The following UBTD1 variants were observed in gnomAD, a reference collection of about 807,000 sequenced individuals.
The protein encoded by UBTD1 is ubiquitin domain-containing protein 1.
In UBTD1, 19 loss-of-function variants were observed where a neutral mutation model predicts 21.7. The ratio of observed to expected loss-of-function variants is 0.87; its 90% CI spans 0.61 to 1.28. UBTD1 has a LOEUF of 1.28. Ranked by LOEUF, UBTD1 falls within the 50% of genes most tolerant of loss-of-function variation. The pLI is 0.00. For missense variants in UBTD1, 282 were observed against 315.1 expected, an observed-to-expected ratio of 0.89 and a Z score of 0.80; for synonymous variants, 116 against 135.1, an observed-to-expected ratio of 0.86 and a Z score of 0.98.
intron 2 of UBTD1, 90 bp downstream of exon 2, chr10:97,568,231 G>A (rs986164507): frequency 2.2e-5 from 31 of 1,392,092 alleles, no homozygotes; most frequent in African/African-American, 2.8e-5. Context: ...GAGCGGTGGG[G>A]CAGGTGGTTA....
At chr10:97,552,231 A>G (rs1481580896) in intron 1 of UBTD1, among the ~76,000 whole-genome samples, 1 of 151,852 alleles carries the variant, frequency 6.6e-6, no homozygotes, top group Non-Finnish European at 1.5e-5. Context: ...TAAATTATCC[A>G]GTCATGGTGG....
At chr10:97,506,351 G>C (rs1407890431) in intron 1 of UBTD1, among the ~76,000 whole-genome samples, 6 of 152,258 alleles carry the variant, frequency 3.9e-5, no homozygotes, top group Non-Finnish European at 5.9e-5. Context: ...CTCTAGGGCA[G>C]TGGGCCCCAA....
chr10:97,517,955 G>C (rs575182416), intron 1 of UBTD1, among the ~76,000 whole-genome samples: 1 of 152,278 alleles, frequency 6.6e-6, no homozygotes, highest in East Asian at 1.9e-4. Context: ...GAGGCCATAG[G>C]GGACGTGGTT....
At chr10:97,538,992 A>G (rs1384230282) in intron 1 of UBTD1, among the ~76,000 whole-genome samples, 3 of 152,194 alleles carry the variant, frequency 2.0e-5, no homozygotes, top group Non-Finnish European at 2.9e-5. Context: ...ACCTGCGCAG[A>G]TCACATGGTG....
intron 1 of UBTD1, among the ~76,000 whole-genome samples, chr10:97,564,145 T>C (rs891207075): frequency 6.6e-6 from 1 of 152,062 alleles, no homozygotes; most frequent in African/African-American, 2.4e-5. Flanking sequence ...CCAGCTAGGG[T>C]GTCTTCATAT....
At chr10:97,560,363 T>C (rs2040686586) in intron 1 of UBTD1, among the ~76,000 whole-genome samples, 1 of 152,238 alleles carries the variant, frequency 6.6e-6, no homozygotes, top group South Asian at 2.1e-4. Context: ...GAAAACCTTG[T>C]AAGTTTGGGA....
intron 1 of UBTD1, among the ~76,000 whole-genome samples, chr10:97,555,708 G>A (rs1229602320): frequency 6.6e-6 from 1 of 152,184 alleles, no homozygotes; most frequent in African/African-American, 2.4e-5. Context: ...ACAGAACAGG[G>A]CAGGGAGTTT....
chr10:97,504,459 C>T (rs1421989870), intron 1 of UBTD1, among the ~76,000 whole-genome samples: 2 of 152,122 alleles, frequency 1.3e-5, no homozygotes, highest in Admixed American at 6.6e-5. Flanking sequence ...TGAATGGGTC[C>T]CTCTCTCTCC....
intron 1 of UBTD1, among the ~76,000 whole-genome samples, chr10:97,556,239 C>A (rs1271177628): frequency 1.3e-5 from 2 of 152,200 alleles, no homozygotes; most frequent in Non-Finnish European, 2.9e-5. Context: ...GTCCATGCCA[C>A]ACTTGCATGG....
At position 97,522,864 on chromosome 10, in the gene UBTD1, G is replaced by A. The variant is rs965697234; in HGVS notation, c.70+23591G>A. ...GTGATGGCTGAGTGCCACAGAGGAG[G>A]GCCATAGCTGCAGGGCCAGGGCCAC... On this transcript the variant is annotated intron_variant, in intron 1 of 2. Transcript: ENST00000370664. 5.9e-5 allele frequency among the ~76,000 whole-genome samples: 9 copies of A among 152,250 alleles called. No homozygotes were observed. In the East Asian group the frequency reaches 1.2e-3, roughly 20 times the overall value.
rs1227812265 is a variant in UBTD1 at position 97,528,375 on chromosome 10, C to T, written c.70+29102C>T. ...CTGACCCCCCCACCTCCCTCCCGGA[C>T]AGGGCGGCTGGCCGGGCGGGGGGCT... On this transcript the variant is annotated intron_variant, in intron 1 of 2. Coordinates refer to ENST00000370664, the MANE Select transcript of UBTD1 (RefSeq NM_024954.5). Among the ~76,000 whole-genome samples the T allele has an allele frequency of 1.1e-4, 11 of 102,262 alleles. No individual in the cohort carries two copies. The South Asian group carries it at 2.2e-3, about 20-fold the overall frequency. 67.1% of individuals were successfully genotyped at this position (102,262 alleles called of 152,430 possible).
intron 1 of UBTD1, among the ~76,000 whole-genome samples, chr10:97,521,670 C>CT (rs2135664275): frequency 6.6e-6 from 1 of 152,336 alleles, no homozygotes; most frequent in East Asian, 1.9e-4. Context: ...TCCTGGAGCT[C>CT]TGTGTTCTGG....
intron 1 of UBTD1, among the ~76,000 whole-genome samples, chr10:97,543,407 A>G (rs991501252): frequency 6.6e-6 from 1 of 152,204 alleles, no homozygotes; most frequent in South Asian, 2.1e-4. Flanking sequence ...CCACAAACCC[A>G]GTGTTGTGGT....
At chr10:97,549,652 C>G (rs2040627168) in intron 1 of UBTD1, among the ~76,000 whole-genome samples, 1 of 152,208 alleles carries the variant, frequency 6.6e-6, no homozygotes, top group Admixed American at 6.5e-5. Context: ...CACTGTACCT[C>G]TAGAGATGCC....
At chr10:97,557,592 A>T (rs1406737571) in intron 1 of UBTD1, among the ~76,000 whole-genome samples, 5 of 152,108 alleles carry the variant, frequency 3.3e-5, no homozygotes, top group Non-Finnish European at 7.4e-5. Flanking sequence ...AATTTAGAGA[A>T]CCGCATCCTA....
intron 1 of UBTD1, among the ~76,000 whole-genome samples, chr10:97,535,782 G>A (rs989792513): frequency 3.3e-5 from 5 of 151,680 alleles, no homozygotes; most frequent in African/African-American, 1.2e-4. Flanking sequence ...GCTAGGTGCA[G>A]TGGTGCACTC....
chr10:97,567,798 A>T, intron 1 of UBTD1, 116 bp from the exon 2 acceptor site: 2 of 946,800 alleles, frequency 2.1e-6, no homozygotes, highest in Non-Finnish European at 3.2e-6. Flanking sequence ...CTGAATACTT[A>T]GTAGCCAGTG....
chr10:97,522,058 A>G (rs892747035), intron 1 of UBTD1, among the ~76,000 whole-genome samples: 1 of 152,164 alleles, frequency 6.6e-6, no homozygotes, highest in African/African-American at 2.4e-5. Context: ...CCTTCCGTAA[A>G]CCTCAGAAGG....
At chr10:97,529,479 G>A (rs1026957674) in intron 1 of UBTD1, among the ~76,000 whole-genome samples, 47 of 152,246 alleles carry the variant, frequency 3.1e-4, no homozygotes, top group African/African-American at 9.6e-4. Context: ...GCACCATTGA[G>A]CACTGAGTTA....
Sources: allele counts gnomAD v4.1 joint callset (sites outside exome capture counted in the v4.1 genomes callset), GRCh38; gene constraint gnomAD v4.1.1; transcripts MANE v1.5; gene names NCBI Gene and HGNC (gene_info 2026-07-23, HGNC 2026-07-21).